TIMM50: variants seen among roughly 807,000 people sequenced by gnomAD.
TIMM50 encodes translocase of inner mitochondrial membrane 50.
In TIMM50, 34 loss-of-function variants were observed where a neutral mutation model predicts 49.6. The observed-to-expected ratio is 0.69, with a 90% CI of 0.52 to 0.91. TIMM50 has a LOEUF of 0.91. Among genes scored for constraint, TIMM50 ranks in the 40% least tolerant of loss-of-function variants. The pLI is 0.00. For missense variants in TIMM50, 458 were observed against 477.8 expected (o/e 0.96, Z 0.39); for synonymous variants, 199 against 198.4 (o/e 1.00, Z -0.03).
At chr19:39,488,025 G>T in intron 8 of TIMM50, 36 bp from the exon 9 acceptor site, 1 of 1,584,922 alleles carries the variant, frequency 6.3e-7, no homozygotes, top group Non-Finnish European at 8.6e-7. Context: ...GGAGAGTTGG[G>T]CACAGATGTT....
chr19:39,488,611 C>T lies in TIMM50; in HGVS notation c.926C>T (p.Ala309Val), dbSNP rs11545196. 468 of 1,613,544 alleles carry T rather than the reference C, an allele frequency of 2.9e-4. No individual in the cohort carries two copies. The highest frequency in any genetic ancestry group is 5.3e-4 in the Admixed American group (32 of 60,006). ...EHYALEDDPL[A>V]AFKQRQSRLE... ...TATGCCCTGGAGGATGACCCGCTGG[C>T]GGCTTTCAAACAGCGGCAAAGCCGG... The change falls in exon 10 of 11, where the codon GCG becomes GTG. Residue 309 changes from alanine to valine, a missense_variant. Ala to Val is a moderately conservative substitution (Grantham distance 64). Coordinates refer to ENST00000607714, the MANE Select transcript of TIMM50 (RefSeq NM_001001563.5).
chr19:39,482,117 G>T, intron 2 of TIMM50, 84 bp downstream of exon 2: 2 of 1,527,088 alleles, frequency 1.3e-6, no homozygotes, highest in South Asian at 1.2e-5. Context: ...CCCACTACCA[G>T]CTTCTCTCGT....
Position 39,485,754 on chromosome 19 carries a change from C to A in TIMM50, c.439C>A (p.Pro147Thr). ...DPLQEPYYQP[P>T]YTLVLELTGV... is the part of the protein sequence containing the mutation. ...TCTGCAGGAACCGTACTACCAGCCACCCTACACGCTCGTTTTGGAGCTCAC... is the reference window on the plus strand; with the variant it reads ...TCTGCAGGAACCGTACTACCAGCCAACCTACACGCTCGTTTTGGAGCTCAC... The change falls in exon 6 of 11, where the codon CCC (proline) becomes ACC (threonine). Residue 147 changes from proline to threonine, a missense_variant. By Grantham distance (38) the Pro-to-Thr change is conservative. Coordinates refer to ENST00000607714, the MANE Select transcript of TIMM50 (RefSeq NM_001001563.5). The A allele has an allele frequency of 6.2e-7, 1 of 1,614,164 alleles. No homozygotes were observed. The highest frequency in any genetic ancestry group is 8.5e-7 in the Non-Finnish European group (1 of 1,180,034).
intron 4 of TIMM50, 67 bp from the exon 5 acceptor site, chr19:39,485,477 C>G (rs1226300098): frequency 4.4e-6 from 7 of 1,597,982 alleles, no homozygotes; most frequent in Admixed American, 1.7e-5. Context: ...ATAAGAAACC[C>G]CTGGTTTGTC....
At position 39,489,711 on chromosome 19, in the gene TIMM50, T is replaced by C. The variant is rs2079531583; in HGVS notation, c.961-8T>C. 4.4e-6 allele frequency: 7 copies of C among 1,600,924 alleles called. No homozygotes were observed. The highest frequency in any genetic ancestry group is 6.0e-6 in the Non-Finnish European group (7 of 1,174,284). On this transcript the variant is annotated splice_polypyrimidine_tract_variant and splice_region_variant and intron_variant, in intron 10 of 10. Transcript: ENST00000607714. ...TGACCCTCTCCTCCAACTGTCCCCC[T>C]ACCCCAGGAGGAGCAGCAGCGCCTG...
rs1317824725 is a variant in TIMM50, at chr19:39,485,149, T to A, written c.314-395T>A. ...TTTTTTTTTTTTTTTACTGTTTTAG[T>A]AGAGACAGAGTTTCACCATGTTGGC... is the stretch of plus-strand genomic sequence containing the variant. On this transcript the variant is annotated intron_variant, in intron 4 of 10. Transcript: ENST00000607714. 1.4e-5 allele frequency: 3 copies of A among 213,534 alleles called. No individual in the cohort carries two copies. The South Asian group carries it at 2.3e-4, about 16-fold the overall frequency. The allele number at this position is 213,534 out of a possible 1,614,324, so 13.2% of individuals were successfully genotyped here. A position where few individuals can be genotyped will look rare whatever the true frequency, so the allele number is the denominator to read the frequency against.
intron 2 of TIMM50, 78 bp from the exon 3 acceptor site, chr19:39,482,807 G>T (rs2079481470): frequency 6.3e-7 from 1 of 1,591,096 alleles, no homozygotes; most frequent in Admixed American, 1.7e-5. Flanking sequence ...AGGAGTCCAG[G>T]CCCCTTATCC....
rs1039967587 is a variant in TIMM50, at chr19:39,490,288, G to T, written c.*468G>T. Reference sequence around the variant, plus strand: ...ACCCCTCTCAACAGGCCAGCTGCTGGTTGGCTCCAGCCAGTGTGGCCCTGG... The same window carrying T: ...ACCCCTCTCAACAGGCCAGCTGCTGTTTGGCTCCAGCCAGTGTGGCCCTGG... On this transcript the variant is annotated 3_prime_UTR_variant, in exon 11 of 11. Coordinates refer to ENST00000607714, the MANE Select transcript of TIMM50 (RefSeq NM_001001563.5). The T allele has an allele frequency of 2.6e-5, 4 of 154,748 alleles. No homozygotes were observed. The highest frequency in any genetic ancestry group is 9.6e-5 in the African/African-American group (4 of 41,554). 9.6% of individuals were successfully genotyped at this position (154,748 alleles called of 1,614,324 possible).
rs1600740187 is a variant in TIMM50 at position 39,485,893 on chromosome 19, T to A, written c.492+86T>A. 6 of 1,569,926 alleles carry A rather than the reference T, an allele frequency of 3.8e-6. No individual in the cohort carries two copies. The East Asian group carries it at 1.4e-4, about 36-fold the overall frequency. The stretch of plus-strand genomic sequence containing the variant: ...TGGACTTTCAGCCCTGGCTGTGCTA[T>A]GTGATCTTGGGGAGGAGATGTCACC... On this transcript the variant is annotated intron_variant, in intron 6 of 10. Transcript: ENST00000607714.
Position 39,488,722 on chromosome 19 carries a change from C to CG in TIMM50, c.960+77_960+78insG, listed in dbSNP as rs2079524947. 7 of 1,209,430 alleles carry CG rather than the reference C, an allele frequency of 5.8e-6. No homozygotes were observed. The East Asian group carries it at 1.6e-4, about 28-fold the overall frequency. 74.9% of individuals were successfully genotyped at this position (1,209,430 alleles called of 1,614,324 possible). A position where few individuals can be genotyped will look rare whatever the true frequency, so the allele number is the denominator to read the frequency against. On this transcript the variant is annotated intron_variant, in intron 10 of 10. Transcript: ENST00000607714. ...AGGAGCCTGGGGCAGTCCATCTCCA[C>CG]ACTCTTGGTTTGGCTGTGTGACCCT...
At position 39,483,100 on chromosome 19, in the gene TIMM50, A is replaced by G. The variant is rs925330483; in HGVS notation, c.292-35A>G. On this transcript the variant is annotated intron_variant, in intron 3 of 10. Coordinates refer to ENST00000607714, the MANE Select transcript of TIMM50 (RefSeq NM_001001563.5). The stretch of plus-strand genomic sequence containing the variant: ...TATGTGATGGGGTTCTGCCTCTGAC[A>G]TCCTAAACCTTCCATTTTTCTCTCT... The G allele has an allele frequency of 2.5e-6, 4 of 1,613,924 alleles. No homozygotes were observed. The African/African-American group carries it at 4.0e-5, about 16-fold the overall frequency.
chr19:39,480,843 G>C lies in TIMM50; in HGVS notation c.-11G>C. On this transcript the variant is annotated 5_prime_UTR_variant, in exon 1 of 11. Transcript: ENST00000607714. ...GAGCGAGTGGGCGGGGCCGCGTGGC[G>C]TCAGCGCAAGATGGCGGCCTCGGCA... 6.3e-7 allele frequency: 1 copy of C among 1,594,572 alleles called. No individual in the cohort carries two copies. Among genetic ancestry groups the C allele is most frequent in the Non-Finnish European group, 8.5e-7 (1 of 1,171,540 alleles).
At chr19:39,484,289 A>G (rs1473449492) in intron 4 of TIMM50, among the ~76,000 whole-genome samples, 37 of 152,160 alleles carry the variant, frequency 2.4e-4, no homozygotes, top group Admixed American at 2.4e-3. Flanking sequence ...CTGTGGTCCC[A>G]GCTACTCAGG....
intron 6 of TIMM50, 65 bp downstream of exon 6, chr19:39,485,872 CT>C: frequency 6.3e-7 from 1 of 1,597,108 alleles, no homozygotes; most frequent in Non-Finnish European, 8.5e-7. Flanking sequence ...ATGAGGTGGA[CT>C]TTCAGCCCTG....
rs1368002546 is a variant in TIMM50 at position 39,482,920 on chromosome 19, A to T, written c.291+4A>T. 2.5e-6 allele frequency: 4 copies of T among 1,613,950 alleles called. No individual in the cohort carries two copies. Among genetic ancestry groups the T allele is most frequent in the African/African-American group, 2.7e-5 (2 of 74,884 alleles). ...GGTGGACGAAAATGGTGCCAAGGTG[A>T]GGGGGAAAGAGACCGAGGCCTTGCC... On this transcript the variant is annotated splice_donor_region_variant and intron_variant, in intron 3 of 10. Coordinates refer to ENST00000607714, the MANE Select transcript of TIMM50 (RefSeq NM_001001563.5).
chr19:39,483,589 G>A (rs2079486454), intron 4 of TIMM50: 1 of 175,846 alleles, frequency 5.7e-6, no homozygotes. Context: ...TGACAAATTG[G>A]ATAGTAGAGA....
Position 39,489,920 on chromosome 19 carries a change from C to T in TIMM50, c.*100C>T. The T allele has an allele frequency of 8.8e-7, 1 of 1,137,404 alleles. No homozygotes were observed. The highest frequency in any genetic ancestry group is 1.3e-5 in the South Asian group (1 of 74,386). 70.5% of individuals were successfully genotyped at this position (1,137,404 alleles called of 1,614,324 possible). A position where few individuals can be genotyped will look rare whatever the true frequency, so the allele number is the denominator to read the frequency against. On this transcript the variant is annotated 3_prime_UTR_variant, in exon 11 of 11. Coordinates refer to ENST00000607714, the MANE Select transcript of TIMM50 (RefSeq NM_001001563.5). ...TGTCCAATAAAGTACATCCCAGACG[C>T]CACACCTGCTGTGTCCCGAGAGTCT...
At chr19:39,486,525 G>A in intron 8 of TIMM50, 30 bp downstream of exon 8, 2 of 1,603,084 alleles carry the variant, frequency 1.2e-6, no homozygotes, top group Non-Finnish European at 1.7e-6. Context: ...GGGCCTCTGG[G>A]ATTTGGCGGA....
chr19:39,484,973 T>C (rs78547203), intron 4 of TIMM50: 1 of 154,856 alleles, frequency 6.5e-6, no homozygotes, highest in Non-Finnish European at 1.4e-5. Flanking sequence ...TTTTTTTTTT[T>C]CTGAGACGGA....
Sources: gnomAD v4.1 joint callset for allele counts (sites outside exome capture counted in the v4.1 genomes callset) on GRCh38, gnomAD v4.1.1 for gene constraint, MANE v1.5 for transcripts, NCBI Gene and HGNC (gene_info 2026-07-23, HGNC 2026-07-21) for gene names.